Variants in NDST4 observed in about 807,000 individuals in gnomAD.
The protein encoded by NDST4 is N-deacetylase and N-sulfotransferase 4.
Under a neutral mutation model 100.8 loss-of-function variants are expected in NDST4, and 63 were observed. That is an observed-to-expected ratio of 0.62 (90% CI 0.51 to 0.77). NDST4 has a LOEUF of 0.77. Ranked by LOEUF, NDST4 falls within the 30% of genes least tolerant of loss-of-function variation. The probability of loss-of-function intolerance (pLI) is 0.00; values close to 1 mark genes in which losing one functional copy is unlikely to be tolerated. For missense variants in NDST4, 943 were observed against 1,018.4 expected (o/e 0.93, Z 1.01); for synonymous variants, 377 against 361.8 (o/e 1.04, Z -0.48).
At chr4:114,867,672 A>C in intron 7 of NDST4, among the ~76,000 whole-genome samples, 1 of 146,926 alleles carries the variant, frequency 6.8e-6, no homozygotes, top group South Asian at 2.1e-4. Context: ...AAGCAAAAAA[A>C]AAAAAAAAAA....
chr4:115,091,125 C>T (rs1313661632), intron 1 of NDST4, among the ~76,000 whole-genome samples: 1 of 152,030 alleles, frequency 6.6e-6, no homozygotes, highest in African/African-American at 2.4e-5. Context: ...ACAATATCTA[C>T]AATTCATATA....
At chr4:114,842,052 T>A (rs987381684) in intron 10 of NDST4, among the ~76,000 whole-genome samples, 3 of 152,216 alleles carry the variant, frequency 2.0e-5, no homozygotes, top group Admixed American at 1.3e-4. Flanking sequence ...AATTTGTATA[T>A]GCACTAAATT....
intron 6 of NDST4, among the ~76,000 whole-genome samples, chr4:114,930,175 T>C (rs1415263632): frequency 2.0e-5 from 3 of 152,168 alleles, no homozygotes; most frequent in Non-Finnish European, 4.4e-5. Flanking sequence ...ATACAAAAGG[T>C]GTTGATTTTG....
At chr4:115,053,126 T>C (rs1336795349) in intron 2 of NDST4, among the ~76,000 whole-genome samples, 1 of 152,182 alleles carries the variant, frequency 6.6e-6, no homozygotes, top group Non-Finnish European at 1.5e-5. Context: ...AGACATAATG[T>C]ATTGACTGAA....
At position 114,976,457 on chromosome 4, in the gene NDST4, A is replaced by T. The variant is rs565179471; in HGVS notation, c.1066+730T>A. Among the ~76,000 whole-genome samples, 206 of 143,436 alleles carry T rather than the reference A, an allele frequency of 1.4e-3. 1 individual carries two copies. Among genetic ancestry groups the T allele is most frequent in the Non-Finnish European group, 2.2e-3 (141 of 64,886 alleles). The allele number at this position is 143,436 out of a possible 152,430, so 94.1% of individuals were successfully genotyped here. A position where few individuals can be genotyped will look rare whatever the true frequency, so the allele number is the denominator to read the frequency against. On this transcript the variant is annotated intron_variant, in intron 3 of 13. Coordinates refer to ENST00000264363, the MANE Select transcript of NDST4 (RefSeq NM_022569.3). ...CTCTAACATGGTACCAGATATTTCA[A>T]TGCTAATATTCAGAAAATAAAAAGT...
intron 2 of NDST4, among the ~76,000 whole-genome samples, chr4:115,035,740 GT>G (rs1728218776): frequency 1.3e-5 from 2 of 151,870 alleles, no homozygotes; most frequent in Admixed American, 1.3e-4. Context: ...CTAACTTAAG[GT>G]TATGTGCATT....
intron 6 of NDST4, among the ~76,000 whole-genome samples, chr4:114,902,275 G>A (rs531717685): frequency 1.3e-5 from 2 of 151,876 alleles, no homozygotes; most frequent in East Asian, 3.9e-4. Flanking sequence ...GCAAGTCACT[G>A]GCAACAAATT....
At chr4:114,939,713 C>G (rs140914108) in intron 4 of NDST4, among the ~76,000 whole-genome samples, 2 of 150,570 alleles carry the variant, frequency 1.3e-5, no homozygotes, top group African/African-American at 4.9e-5. Flanking sequence ...GCAATTGATT[C>G]GGTGAGTAGG....
chr4:114,966,096 T>C (rs1726375246), intron 4 of NDST4, among the ~76,000 whole-genome samples: 2 of 152,046 alleles, frequency 1.3e-5, no homozygotes, highest in South Asian at 2.1e-4. Context: ...GTAACTGCCA[T>C]ATTTCGGTTG....
At chr4:114,937,896 G>A (rs1040217838) in intron 4 of NDST4, among the ~76,000 whole-genome samples, 1 of 146,136 alleles carries the variant, frequency 6.8e-6, no homozygotes, top group Non-Finnish European at 1.5e-5. Flanking sequence ...TGTGGCGGGG[G>A]GCGGGTATTG....
At position 114,930,339 on chromosome 4, in the gene NDST4, G is replaced by A. The variant is rs35423038; in HGVS notation, c.1536+4867C>T. Among the ~76,000 whole-genome samples, 472 of 152,074 alleles carry A rather than the reference G, an allele frequency of 3.1e-3. 9 individuals are homozygous for A. The highest frequency in any genetic ancestry group is 0.024 in the Admixed American group (360 of 15,286). ...GCCAAAGATCACAGAGCATCCATGCGCCTGTTCCAAGTGTGGTGCCATTAA... is the reference window on the plus strand; with the variant it reads ...GCCAAAGATCACAGAGCATCCATGCACCTGTTCCAAGTGTGGTGCCATTAA... On this transcript the variant is annotated intron_variant, in intron 6 of 13. Coordinates refer to ENST00000264363, the MANE Select transcript of NDST4 (RefSeq NM_022569.3).
intron 2 of NDST4, among the ~76,000 whole-genome samples, chr4:115,036,187 T>C (rs147103692): frequency 1.9e-3 from 282 of 151,800 alleles, no homozygotes; most frequent in Middle Eastern, 3.8e-3. Flanking sequence ...TTTATCTGGT[T>C]GGAAAATGTT....
At chr4:114,846,855 A>G (rs2011909053) in intron 9 of NDST4, among the ~76,000 whole-genome samples, 1 of 152,152 alleles carries the variant, frequency 6.6e-6, no homozygotes. Context: ...TCTCATCTAT[A>G]TTCCTGCTAA....
At chr4:114,957,620 A>C (rs1006182335) in intron 4 of NDST4, among the ~76,000 whole-genome samples, 10 of 152,222 alleles carry the variant, frequency 6.6e-5, no homozygotes, top group Non-Finnish European at 1.5e-4. Flanking sequence ...TACTTTCAGC[A>C]TTAACTTAAA....
chr4:115,100,291 T>C (rs986751531), intron 1 of NDST4, among the ~76,000 whole-genome samples: 2 of 152,086 alleles, frequency 1.3e-5, no homozygotes, highest in African/African-American at 2.4e-5. Context: ...ACCCATAGGA[T>C]ATAAAACACC....
chr4:115,068,437 C>G (rs1410582108), intron 2 of NDST4, among the ~76,000 whole-genome samples: 1 of 152,010 alleles, frequency 6.6e-6, no homozygotes, highest in Non-Finnish European at 1.5e-5. Context: ...CTACTTTTGT[C>G]TTATATGCAA....
At position 114,893,953 on chromosome 4, in the gene NDST4, G is replaced by T. The variant is rs548069652; in HGVS notation, c.1537-23003C>A. Among the ~76,000 whole-genome samples the T allele has an allele frequency of 1.7e-3, 261 of 152,032 alleles. 1 individual carries two copies. The highest frequency in any genetic ancestry group is 6.0e-3 in the African/African-American group (247 of 41,506). ...AAGGGGTCCAGTTTCAGTTTTCTGC[G>T]TATGGCTAGCCAGTTTTCCCAGCAC... On this transcript the variant is annotated intron_variant, in intron 6 of 13. Transcript: ENST00000264363.
intron 6 of NDST4, among the ~76,000 whole-genome samples, chr4:114,914,570 A>G (rs956780449): frequency 6.6e-6 from 1 of 152,160 alleles, no homozygotes; most frequent in African/African-American, 2.4e-5. Flanking sequence ...ATTTTATATA[A>G]ATATATTAAC....
At chr4:115,096,927 A>G (rs1219385089) in intron 1 of NDST4, among the ~76,000 whole-genome samples, 4 of 152,008 alleles carry the variant, frequency 2.6e-5, no homozygotes, top group Non-Finnish European at 4.4e-5. Flanking sequence ...CCATTTATCA[A>G]TTTTTGCTCC....
Sources: gnomAD v4.1 joint callset for allele counts (sites outside exome capture counted in the v4.1 genomes callset) on GRCh38, gnomAD v4.1.1 for gene constraint, MANE v1.5 for transcripts, NCBI Gene and HGNC (gene_info 2026-07-23, HGNC 2026-07-21) for gene names.